Variants in NDUFB5 observed in about 807,000 individuals in gnomAD.
The protein encoded by NDUFB5 is NADH:ubiquinone oxidoreductase subunit B5, also known as NADH dehydrogenase [ubiquinone] 1 beta subcomplex subunit 5, mitochondrial.
A neutral mutation model predicts 19.4 loss-of-function variants in NDUFB5; 19 were observed. The ratio of observed to expected loss-of-function variants is 0.98; its 90% confidence interval spans 0.68 to 1.43. The LOEUF (loss-of-function observed/expected upper bound fraction) is 1.43, where lower values mean the gene tolerates loss of function less well. Ranked by LOEUF, NDUFB5 falls within the 40% of genes most tolerant of loss-of-function variation. NDUFB5 has a pLI of 0.00. For synonymous variants in NDUFB5, 80 were observed against 82.6 expected (o/e 0.97, Z 0.17); for missense variants, 233 against 236.5 (o/e 0.99, Z 0.10).
At chr3:179,609,086 G>T (rs1315992213) in intron 1 of NDUFB5, among the ~76,000 whole-genome samples, 1 of 152,212 alleles carries the variant, frequency 6.6e-6, no homozygotes, top group Admixed American at 6.5e-5. Flanking sequence ...CCTGCTGTAT[G>T]TGGTTTCACT....
At chr3:179,609,110 T>C (rs559522634) in intron 1 of NDUFB5, among the ~76,000 whole-genome samples, 1 of 152,358 alleles carries the variant, frequency 6.6e-6, no homozygotes, top group East Asian at 1.9e-4. Context: ...AGTCACAGTT[T>C]CCAAGAACTC....
chr3:179,613,246 TAATC>T (rs1405872580), intron 1 of NDUFB5, among the ~76,000 whole-genome samples: 1 of 152,054 alleles, frequency 6.6e-6, no homozygotes, highest in Non-Finnish European at 1.5e-5. Flanking sequence ...CTGCAGTAAT[TAATC>T]AGTACCTTTT....
intron 1 of NDUFB5, among the ~76,000 whole-genome samples, chr3:179,608,896 T>G (rs1366904438): frequency 6.6e-6 from 1 of 152,186 alleles, no homozygotes; most frequent in Non-Finnish European, 1.5e-5. Context: ...TCTTTCGAAC[T>G]CCTGTCCTCA....
chr3:179,612,377 A>C (rs1576879549), intron 1 of NDUFB5, among the ~76,000 whole-genome samples: 1 of 152,032 alleles, frequency 6.6e-6, no homozygotes, highest in East Asian at 1.9e-4. Flanking sequence ...AATATTAATA[A>C]GTTATCTAGG....
intron 1 of NDUFB5, 138 bp downstream of exon 1, chr3:179,605,077 G>A: frequency 2.4e-6 from 3 of 1,272,960 alleles, no homozygotes; most frequent in Non-Finnish European, 2.1e-6. Flanking sequence ...GAGAGACGGA[G>A]CACGAGCTAT....
In NDUFB5 at chr3:179,615,993, T is replaced by G. The variant is rs767093709; in HGVS notation, c.224T>G (p.Ile75Ser). Residue 75 changes from isoleucine to serine, a missense_variant, in exon 3 of 6, where the codon ATT (isoleucine) becomes AGT (serine). By Grantham distance (142) the Ile-to-Ser change is moderately radical. Transcript: ENST00000259037. ...TTTTTTTTATCTTAGAGATTCTACA[T>G]TGCATTGACTGGGATTCCAGTAGCA... The part of the protein sequence containing the change: ...RRFLKLLRFY[I>S]ALTGIPVAIF... 15 of 1,612,350 alleles carry G rather than the reference T, an allele frequency of 9.3e-6. No homozygotes were observed. Among genetic ancestry groups the G allele is most frequent in the Non-Finnish European group, 1.3e-5 (15 of 1,178,728 alleles).
intron 5 of NDUFB5, among the ~76,000 whole-genome samples, chr3:179,622,792 A>G (rs942178862): frequency 6.6e-6 from 1 of 152,212 alleles, no homozygotes; most frequent in Admixed American, 6.5e-5. Context: ...AAAGTGACTT[A>G]TTTAACTGTG....
intron 1 of NDUFB5, among the ~76,000 whole-genome samples, chr3:179,606,478 A>G (rs539684946): frequency 6.6e-6 from 1 of 152,100 alleles, no homozygotes; most frequent in Admixed American, 6.5e-5. Flanking sequence ...AGCTGGGATT[A>G]CAGTTGCACG....
intron 1 of NDUFB5, among the ~76,000 whole-genome samples, chr3:179,610,414 G>A (rs1190853134): frequency 2.0e-5 from 3 of 152,038 alleles, no homozygotes; most frequent in Admixed American, 6.6e-5. Context: ...TGGATTGTTT[G>A]GTTTGTTGTT....
intron 4 of NDUFB5, chr3:179,618,172 G>C (rs912551950): frequency 6.0e-6 from 2 of 331,248 alleles, no homozygotes; most frequent in Non-Finnish European, 1.1e-5. Context: ...AGACAGACCT[G>C]GTTTGAGTCC....
rs1719608122 is a variant in NDUFB5 at position 179,624,129 on chromosome 3, C to T, written c.*89C>T. On this transcript the variant is annotated 3_prime_UTR_variant, in exon 6 of 6. Transcript: ENST00000259037. ...CTGTATTTTTGCTCTCCGTGAAAAACAAAAGAGCCTCTGACATTACTGTCT... is the reference window on the plus strand; with the variant it reads ...CTGTATTTTTGCTCTCCGTGAAAAATAAAAGAGCCTCTGACATTACTGTCT... 11 of 1,212,408 alleles carry T rather than the reference C, an allele frequency of 9.1e-6. No homozygotes were observed. Among genetic ancestry groups the T allele is most frequent in the Non-Finnish European group, 1.2e-5 (11 of 887,690 alleles). The allele number at this position is 1,212,408 out of a possible 1,614,324, so 75.1% of individuals were successfully genotyped here. A position where few individuals can be genotyped will look rare whatever the true frequency, so the allele number is the denominator to read the frequency against.
intron 4 of NDUFB5, 180 bp downstream of exon 4, chr3:179,617,224 G>T (rs552947561): frequency 7.7e-4 from 337 of 435,166 alleles, no homozygotes; most frequent in Admixed American, 2.1e-3. Flanking sequence ...TGCAACTTCT[G>T]CCTCCCGCAT....
chr3:179,617,079 C>T, intron 4 of NDUFB5, 35 bp downstream of exon 4: 1 of 1,439,950 alleles, frequency 6.9e-7, no homozygotes, highest in Admixed American at 1.9e-5. Context: ...CATACTGTTA[C>T]ATGCCTTGTC....
rs1422766692 is a variant in NDUFB5, at chr3:179,604,857, G to A, written c.42G>A (p.Ala14=). Residue 14 remains alanine (A), a synonymous_variant, in exon 1 of 6, where the codon GCG becomes GCA. Transcript: ENST00000259037. ...TGTTGCGGCGGGTTTCGGTTACTGCGGTGGCAGCTCTGTCTGGCCGGCCCC... is the reference window on the plus strand; with the variant it reads ...TGTTGCGGCGGGTTTCGGTTACTGCAGTGGCAGCTCTGTCTGGCCGGCCCC... ...MSLLRRVSVT[A]VAALSGRPLG... 1 of 1,603,580 alleles carries A rather than the reference G, an allele frequency of 6.2e-7. No homozygotes were observed. Among genetic ancestry groups the A allele is most frequent in the Non-Finnish European group, 8.5e-7 (1 of 1,177,390 alleles).
chr3:179,618,608 C>G, intron 5 of NDUFB5, 87 bp downstream of exon 5: 1 of 863,096 alleles, frequency 1.2e-6, no homozygotes, highest in South Asian at 1.5e-5. Flanking sequence ...ATGAATATTT[C>G]AGCACTATAG....
At chr3:179,618,574 C>A in intron 5 of NDUFB5, 53 bp downstream of exon 5, 1 of 1,197,096 alleles carries the variant, frequency 8.4e-7, no homozygotes, top group Non-Finnish European at 1.2e-6. Flanking sequence ...AGGTAGCAAA[C>A]CACCAGAAAA....
intron 3 of NDUFB5, 90 bp downstream of exon 3, chr3:179,616,139 T>C: frequency 3.3e-6 from 3 of 917,650 alleles, no homozygotes; most frequent in East Asian, 5.3e-5. Flanking sequence ...TTATGGATAT[T>C]GTAATGAAAA....
chr3:179,605,650 A>T (rs537810572), intron 1 of NDUFB5, among the ~76,000 whole-genome samples: 1 of 152,090 alleles, frequency 6.6e-6, no homozygotes, highest in Admixed American at 6.6e-5. Flanking sequence ...AAAAACCATA[A>T]TGTTTATGAA....
intron 1 of NDUFB5, among the ~76,000 whole-genome samples, chr3:179,611,007 G>T (rs1467971236): frequency 1.3e-5 from 2 of 152,084 alleles, no homozygotes; most frequent in East Asian, 3.9e-4. Flanking sequence ...TTTTTTATTG[G>T]ATATGTGACT....
Sources: gnomAD v4.1 joint callset for allele counts (sites outside exome capture counted in the v4.1 genomes callset) on GRCh38, gnomAD v4.1.1 for gene constraint, MANE v1.5 for transcripts, NCBI Gene and HGNC (gene_info 2026-07-23, HGNC 2026-07-21) for gene names.